Variants in PLEKHA2 observed in about 807,000 individuals in gnomAD.
The protein encoded by PLEKHA2 is pleckstrin homology domain-containing family A member 2.
PLEKHA2 carries 28 observed loss-of-function variants against 53.2 expected under a neutral mutation model. The observed-to-expected ratio is 0.53, with a 90% confidence interval of 0.39 to 0.72. The LOEUF is 0.72. Among genes scored for constraint, PLEKHA2 ranks in the 30% least tolerant of loss-of-function variants. The probability of loss-of-function intolerance (pLI) is 0.00; values close to 1 mark genes in which losing one functional copy is unlikely to be tolerated. For missense variants in PLEKHA2, 426 were observed against 537.9 expected (o/e 0.79, Z 2.06); for synonymous variants, 193 against 196.4 (o/e 0.98, Z 0.14).
intron 2 of PLEKHA2, among the ~76,000 whole-genome samples, chr8:38,923,147 T>A (rs936933325): frequency 6.6e-6 from 1 of 152,182 alleles, no homozygotes; most frequent in African/African-American, 2.4e-5. Context: ...ATGCCAATAT[T>A]TGGGTTGAAG....
At chr8:38,920,501 C>G (rs1834165339) in intron 2 of PLEKHA2, among the ~76,000 whole-genome samples, 1 of 151,576 alleles carries the variant, frequency 6.6e-6, no homozygotes, top group African/African-American at 2.4e-5. Flanking sequence ...TCTTGAACTC[C>G]TCACCTCAAG....
At chr8:38,959,204 G>A (rs1285593416) in intron 10 of PLEKHA2, among the ~76,000 whole-genome samples, 2 of 152,102 alleles carry the variant, frequency 1.3e-5, no homozygotes, top group African/African-American at 4.8e-5. Flanking sequence ...TAAGCAGGTC[G>A]CCTCACCCAG....
At chr8:38,944,819 A>G (rs191648567) in intron 4 of PLEKHA2, among the ~76,000 whole-genome samples, 3 of 152,348 alleles carry the variant, frequency 2.0e-5, no homozygotes, top group East Asian at 3.9e-4. Flanking sequence ...ATCATCTCGA[A>G]CATTTTTTTC....
intron 10 of PLEKHA2, among the ~76,000 whole-genome samples, chr8:38,964,227 G>C (rs1402218137): frequency 6.6e-6 from 1 of 152,092 alleles, no homozygotes; most frequent in Non-Finnish European, 1.5e-5. Context: ...AGGAGAATAG[G>C]GAATATTCAA....
chr8:38,944,160 T>A (rs982704572), intron 4 of PLEKHA2, among the ~76,000 whole-genome samples: 1 of 152,174 alleles, frequency 6.6e-6, no homozygotes, highest in Admixed American at 6.5e-5. Flanking sequence ...AATTAGCATA[T>A]CTATATTAGT....
At chr8:38,952,367 G>A in intron 7 of PLEKHA2, 55 bp downstream of exon 7, 1 of 1,584,636 alleles carries the variant, frequency 6.3e-7, no homozygotes, top group South Asian at 1.2e-5. Context: ...CAGAGCCAGT[G>A]GCTGTAGACA....
chr8:38,969,308 T>G, intron 11 of PLEKHA2, 113 bp from the exon 12 acceptor site: 1 of 1,285,722 alleles, frequency 7.8e-7, no homozygotes, highest in African/African-American at 1.5e-5. Context: ...GCAAGCATCC[T>G]TGGACTTATG....
chr8:38,911,812 C>T (rs189414429), intron 1 of PLEKHA2, among the ~76,000 whole-genome samples: 40 of 152,016 alleles, frequency 2.6e-4, no homozygotes, highest in Non-Finnish European at 4.1e-4. Context: ...CCCATCTCTA[C>T]GAAGAATTAA....
At chr8:38,934,639 C>T (rs996898489) in intron 2 of PLEKHA2, among the ~76,000 whole-genome samples, 1 of 152,080 alleles carries the variant, frequency 6.6e-6, no homozygotes, top group Non-Finnish European at 1.5e-5. Context: ...ACTGCTTCAT[C>T]CCTGCCAGTG....
At position 38,969,529 on chromosome 8, in the gene PLEKHA2, A is replaced by G; in HGVS notation, c.1024A>G (p.Lys342Glu). Reference protein sequence around the residue: ...CRGRPPLEEKKALCKAPSVAS... With the variant: ...CRGRPPLEEKEALCKAPSVAS... The stretch of plus-strand genomic sequence containing the variant: ...GGGGCGGCCACCTTTGGAGGAAAAG[A>G]AAGCCCTCTGCAAAGCCCCCTCTGT... The change falls in exon 12 of 12, where the codon AAA becomes GAA. Residue 342 changes from lysine to glutamate, a missense_variant. Coordinates refer to ENST00000617275, the MANE Select transcript of PLEKHA2 (RefSeq NM_021623.2). The G allele has an allele frequency of 6.2e-7, 1 of 1,613,320 alleles. No individual in the cohort carries two copies. Among genetic ancestry groups the G allele is most frequent in the Non-Finnish European group, 8.5e-7 (1 of 1,179,596 alleles).
At chr8:38,919,928 C>T (rs1834147991) in intron 2 of PLEKHA2, among the ~76,000 whole-genome samples, 1 of 152,132 alleles carries the variant, frequency 6.6e-6, no homozygotes, top group Non-Finnish European at 1.5e-5. Flanking sequence ...GCCTGGTTTG[C>T]CTTCAGGCCC....
chr8:38,938,312 T>C (rs1432060102), intron 3 of PLEKHA2, among the ~76,000 whole-genome samples: 1 of 152,208 alleles, frequency 6.6e-6, no homozygotes, highest in Non-Finnish European at 1.5e-5. Flanking sequence ...AGGGAGCCCA[T>C]TGACCTCCTG....
intron 5 of PLEKHA2, 151 bp from the exon 6 acceptor site, chr8:38,950,699 G>C (rs34794075): frequency 0.092 from 81,917 of 889,192 alleles, 5,503 homozygotes; most frequent in East Asian, 0.3. Context: ...CTCATATTCA[G>C]ATTTGGACTG....
chr8:38,958,176 A>C (rs9692838), intron 10 of PLEKHA2, among the ~76,000 whole-genome samples: 96,315 of 151,772 alleles, frequency 0.63, 31,028 homozygotes, highest in East Asian at 0.84. Flanking sequence ...AATACAAAAA[A>C]ATTAGCTGGA....
intron 9 of PLEKHA2, among the ~76,000 whole-genome samples, chr8:38,954,276 A>C (rs1281221463): frequency 1.3e-5 from 2 of 152,220 alleles, no homozygotes; most frequent in African/African-American, 4.8e-5. Context: ...TGCAAATGGC[A>C]GTTGCAGAGT....
intron 5 of PLEKHA2, among the ~76,000 whole-genome samples, chr8:38,946,551 A>G (rs6995018): frequency 0.42 from 63,730 of 152,084 alleles, 13,650 homozygotes; most frequent in Non-Finnish European, 0.44. Flanking sequence ...GACTGTGAAA[A>G]GTCAAGTAAG....
At chr8:38,967,913 C>T (rs1038608186) in intron 10 of PLEKHA2, among the ~76,000 whole-genome samples, 4 of 152,112 alleles carry the variant, frequency 2.6e-5, no homozygotes, top group African/African-American at 9.7e-5. Context: ...CCACCCGCCT[C>T]GACCTCCCAA....
intron 2 of PLEKHA2, among the ~76,000 whole-genome samples, chr8:38,923,727 GC>G (rs1588243507): frequency 1.3e-5 from 2 of 152,012 alleles, no homozygotes; most frequent in Admixed American, 1.3e-4. Context: ...AGAGCTGGGG[GC>G]CCCCCTTCAT....
intron 2 of PLEKHA2, among the ~76,000 whole-genome samples, chr8:38,931,297 G>T (rs1006607287): frequency 1.1e-4 from 16 of 152,044 alleles, no homozygotes; most frequent in Admixed American, 2.0e-4. Context: ...ATAAATAAAA[G>T]ATACCTCCCG....
Sources: gnomAD v4.1 joint callset for allele counts (sites outside exome capture counted in the v4.1 genomes callset) on GRCh38, gnomAD v4.1.1 for gene constraint, MANE v1.5 for transcripts, NCBI Gene and HGNC (gene_info 2026-07-23, HGNC 2026-07-21) for gene names.